Variants in HAVCR1 observed in about 807,000 individuals in gnomAD.
HAVCR1 encodes the protein hepatitis A virus cellular receptor 1.
In HAVCR1, 34 loss-of-function variants were observed where a neutral mutation model predicts 32.0. The observed-to-expected ratio is 1.06, with a 90% confidence interval of 0.81 to 1.42. The LOEUF (loss-of-function observed/expected upper bound fraction) is 1.42, where lower values mean the gene tolerates loss of function less well. HAVCR1 is among the 40% of genes most tolerant of loss of function. The pLI is 0.00. For missense variants in HAVCR1, 420 were observed against 442.3 expected, an observed-to-expected ratio of 0.95 and a Z score of 0.45; for synonymous variants, 178 against 170.3, an observed-to-expected ratio of 1.05 and a Z score of -0.35.
rs773354737 is a variant in HAVCR1, at chr5:157,052,365, T to C, written c.669A>G (p.Glu223=). 6.2e-7 allele frequency: 1 copy of C among 1,614,094 alleles called. No individual in the cohort carries two copies. Among genetic ancestry groups the C allele is most frequent in the Non-Finnish European group, 8.5e-7 (1 of 1,179,922 alleles). ...TTCCAAACACATCTGTTTTACCTGG[T>C]TCATGGTTCTGCCTGGGCAAAGGCA... is the stretch of plus-strand genomic sequence containing the variant. ...PPMPLPRQNH[E]PVATSPSSPQ... is the part of the protein sequence containing the mutation. Residue 223 remains glutamate, a synonymous_variant, in exon 4 of 9, where the codon GAA becomes GAG. Transcript: ENST00000523175.
chr5:157,037,593 G>A, intron 6 of HAVCR1, among the ~76,000 whole-genome samples: 1 of 152,106 alleles, frequency 6.6e-6, no homozygotes, highest in East Asian at 1.9e-4. Flanking sequence ...GCTTGCTTGA[G>A]GTTGTATTTA....
the HAVCR1 span, among the ~76,000 whole-genome samples, chr5:157,068,889 G>A: frequency 3.3e-5 from 5 of 152,086 alleles, no homozygotes; most frequent in Non-Finnish European, 1.5e-5. Flanking sequence ...GGGATTATAG[G>A]CATGAGCCAC....
chr5:157,047,747 G>A (rs1581708770), intron 5 of HAVCR1, among the ~76,000 whole-genome samples: 3 of 152,096 alleles, frequency 2.0e-5, no homozygotes, highest in South Asian at 4.2e-4. Context: ...GTTTCCCTGA[G>A]TTCTGGAAGC....
intron 6 of HAVCR1, among the ~76,000 whole-genome samples, chr5:157,038,056 G>T (rs1485552941): frequency 3.3e-5 from 5 of 152,090 alleles, no homozygotes; most frequent in African/African-American, 1.2e-4. Flanking sequence ...TTGACTTGAT[G>T]TGATGTTATC....
Position 157,052,600 on chromosome 5 carries a change from C to T in HAVCR1, c.434G>A (p.Arg145Gln), listed in dbSNP as rs369837589. 1.1e-5 allele frequency: 18 copies of T among 1,611,930 alleles called. No individual in the cohort carries two copies. The highest frequency in any genetic ancestry group is 4.4e-5 in the South Asian group (4 of 90,842). The change falls in exon 4 of 9, where the codon CGA (arginine) becomes CAA (glutamine). Residue 145 changes from arginine to glutamine, a missense_variant. Arg to Gln is a conservative substitution (Grantham distance 43). Transcript: ENST00000523175. ...TGTCGTTGGAACAGTGGTGCTCGTT[C>T]GAACAGTCGTGACGGTTGGAACAGT... ...VTTVPTVTTV[R>Q]TSTTVPTTTT...
intron 5 of HAVCR1, among the ~76,000 whole-genome samples, chr5:157,047,315 G>C (rs1293032393): frequency 6.6e-6 from 1 of 152,156 alleles, no homozygotes; most frequent in Non-Finnish European, 1.5e-5. Context: ...ACTTTGGAAG[G>C]CTGAGGTGGG....
At chr5:157,043,386 C>G (rs1006546203) in intron 5 of HAVCR1, among the ~76,000 whole-genome samples, 1 of 152,168 alleles carries the variant, frequency 6.6e-6, no homozygotes, top group Non-Finnish European at 1.5e-5. Flanking sequence ...TATTCTCAGC[C>G]AGGCATGGGT....
chr5:157,032,308 C>T (rs972894801), intron 8 of HAVCR1, among the ~76,000 whole-genome samples: 1 of 152,128 alleles, frequency 6.6e-6, no homozygotes, highest in Non-Finnish European at 1.5e-5. Context: ...CACCGGAGGT[C>T]AGGAGTTTGA....
At chr5:157,031,743 C>G (rs997642441) in intron 8 of HAVCR1, among the ~76,000 whole-genome samples, 1 of 147,444 alleles carries the variant, frequency 6.8e-6, no homozygotes, top group Non-Finnish European at 1.5e-5. Flanking sequence ...TTGCTTGAAT[C>G]CAGGAGGTGG....
chr5:157,054,207 A>G (rs888261397), intron 3 of HAVCR1, among the ~76,000 whole-genome samples: 1 of 150,582 alleles, frequency 6.6e-6, no homozygotes, highest in South Asian at 2.1e-4. Context: ...AAAAAAAAAA[A>G]AAAAAACAAA....
intron 8 of HAVCR1, among the ~76,000 whole-genome samples, chr5:157,031,054 AT>A (rs2093427051): frequency 6.9e-6 from 1 of 144,616 alleles, no homozygotes; most frequent in Non-Finnish European, 1.5e-5. Flanking sequence ...TTTCTCTTCC[AT>A]TCCAGAAATA....
rs1311228013 is a variant in HAVCR1, at chr5:157,029,835, T to C, written c.993A>G (p.Ser331=). The change falls in exon 9 of 9, where the codon TCA becomes TCG. Residue 331 remains serine (S), a synonymous_variant. Transcript: ENST00000523175. ...FKKEVQQLSV[S]FSSLQIKALQ... ...AAGCTTTAATTTGAAGGCTGCTAAA[T>C]GAAACACTGTAGAAAGAGTTGTTGA... 2.5e-6 allele frequency: 4 copies of C among 1,612,008 alleles called. No individual in the cohort carries two copies. Among genetic ancestry groups the C allele is most frequent in the Non-Finnish European group, 8.5e-7 (1 of 1,179,228 alleles).
upstream of HAVCR1, among the ~76,000 whole-genome samples, chr5:157,062,817 T>C (rs140737043): frequency 1.3e-5 from 2 of 152,216 alleles, no homozygotes; most frequent in African/African-American, 4.8e-5. Context: ...CACCTATGTT[T>C]ACCATAGAAA....
At chr5:157,050,762 C>T (rs926787006) in intron 4 of HAVCR1, among the ~76,000 whole-genome samples, 1 of 152,172 alleles carries the variant, frequency 6.6e-6, no homozygotes, top group Non-Finnish European at 1.5e-5. Flanking sequence ...CTAGTGTGTG[C>T]GGCTGCCTGG....
chr5:157,036,511 A>G (rs986763589), intron 7 of HAVCR1, among the ~76,000 whole-genome samples: 2 of 152,208 alleles, frequency 1.3e-5, no homozygotes, highest in African/African-American at 4.8e-5. Context: ...AATTTTTTCC[A>G]TAGGGGAATA....
intron 7 of HAVCR1, among the ~76,000 whole-genome samples, chr5:157,033,378 G>A (rs1754289462): frequency 6.6e-6 from 1 of 152,068 alleles, no homozygotes; most frequent in Non-Finnish European, 1.5e-5. Flanking sequence ...TTTTGAGGTT[G>A]TTAGGGCTCA....
chr5:157,051,634 G>T (rs540958143), intron 4 of HAVCR1, among the ~76,000 whole-genome samples: 1 of 152,052 alleles, frequency 6.6e-6, no homozygotes, highest in Non-Finnish European at 1.5e-5. Context: ...GGCCCCAAGC[G>T]ATTCCTCCAC....
In HAVCR1 at chr5:157,036,098, T is replaced by G. The variant is rs1027338094; in HGVS notation, c.952+1149A>C. On this transcript the variant is annotated intron_variant, in intron 7 of 8. Transcript: ENST00000523175. ...TGGCTCATGCCTGTAATCCTAGAAC[T>G]TTGGGAGGCCGAGGCAGGTGGATCA... Among the ~76,000 whole-genome samples, 5 of 152,302 alleles carry G rather than the reference T, an allele frequency of 3.3e-5. No homozygotes were observed. The East Asian group carries it at 5.8e-4, about 18-fold the overall frequency.
chr5:157,032,991 T>C, intron 7 of HAVCR1, 104 bp from the exon 8 acceptor site: 1 of 737,950 alleles, frequency 1.4e-6, no homozygotes, highest in Non-Finnish European at 2.2e-6. Context: ...TGTTATTACT[T>C]AGATTTTTCC....
Sources: allele counts gnomAD v4.1 joint callset (sites outside exome capture counted in the v4.1 genomes callset), GRCh38; gene constraint gnomAD v4.1.1; transcripts MANE v1.5; gene names NCBI Gene and HGNC (gene_info 2026-07-23, HGNC 2026-07-21).